The following NXN variants were observed in gnomAD, a reference collection of about 807,000 sequenced individuals.
The protein encoded by NXN is nucleoredoxin 1.
NXN carries 16 observed loss-of-function variants against 48.6 expected under a neutral mutation model. The observed-to-expected ratio is 0.33, with a 90% CI of 0.22 to 0.50. The LOEUF (loss-of-function observed/expected upper bound fraction) is 0.50. Among genes scored for constraint, NXN ranks in the 20% least tolerant of loss-of-function variants. The pLI, the probability that NXN is intolerant of heterozygous loss-of-function variation, is 0.98. For missense variants in NXN, 492 were observed against 605.5 expected, an observed-to-expected ratio of 0.81 and a Z score of 1.97; for synonymous variants, 281 against 269.6, an observed-to-expected ratio of 1.04 and a Z score of -0.41.
chr17:948,604 C>T (rs1039373858), intron 1 of NXN, among the ~76,000 whole-genome samples: 6 of 151,900 alleles, frequency 3.9e-5, no homozygotes, highest in Non-Finnish European at 5.9e-5. Context: ...AGCTCCCGGG[C>T]GACTGAAGAT....
At chr17:951,175 TAAAAAAA>T (rs59266525) in intron 1 of NXN, among the ~76,000 whole-genome samples, 2,401 of 56,650 alleles carry the variant, frequency 0.042, 108 homozygotes, top group African/African-American at 0.13. Flanking sequence ...TGTCTCTACT[TAAAAAAA>T]AAAAAAAAAA....
At position 914,947 on chromosome 17, in the gene NXN, A is replaced by AT. The variant is rs903404530; in HGVS notation, c.360+64371dup. Among the ~76,000 whole-genome samples, 652 of 147,356 alleles carry AT rather than the reference A, an allele frequency of 4.4e-3. 5 individuals carry two copies. Among genetic ancestry groups the AT allele is most frequent in the Middle Eastern group, 0.017 (5 of 288 alleles). ...TTGTACTGGAAAAATTTCAGAGTTG[A>AT]TTTTTTTTTTTAGACAAAGTCTCGC... On this transcript the variant is annotated intron_variant, in intron 1 of 7. Transcript: ENST00000336868.
chr17:917,986 G>A lies in NXN; in HGVS notation c.360+61333C>T, dbSNP rs958236307. Among the ~76,000 whole-genome samples, 4 of 152,176 alleles carry A rather than the reference G, an allele frequency of 2.6e-5. No individual in the cohort carries two copies. Among genetic ancestry groups the A allele is most frequent in the East Asian group, 3.9e-4 (2 of 5,192 alleles). Reference sequence around the variant, plus strand: ...ACTTTATGGAAGACACATGGCTCACGGCAGGGCCCGGCACATCACAAAAAC... The same window carrying A: ...ACTTTATGGAAGACACATGGCTCACAGCAGGGCCCGGCACATCACAAAAAC... On this transcript the variant is annotated intron_variant, in intron 1 of 7. Coordinates refer to ENST00000336868, the MANE Select transcript of NXN (RefSeq NM_022463.5). This position sits in a 1 kb window ranked among gnomAD's most constrained non-coding sequence, Gnocchi z 4.5.
chr17:852,984 C>CTT, intron 1 of NXN, among the ~76,000 whole-genome samples: 1 of 146,698 alleles, frequency 6.8e-6, no homozygotes, highest in Non-Finnish European at 1.5e-5. Flanking sequence ...TAAATTTTTT[C>CTT]TTTTTTTTTT....
rs111534935 is a variant in NXN, at chr17:809,937, C to T, written c.821-4690G>A. 3.5e-4 allele frequency among the ~76,000 whole-genome samples: 47 copies of T among 134,416 alleles called. 1 individual carries two copies. Among genetic ancestry groups the T allele is most frequent in the African/African-American group, 1.2e-3 (46 of 37,502 alleles). The allele number at this position is 134,416 out of a possible 152,430, so 88.2% of individuals were successfully genotyped here. A position where few individuals can be genotyped will look rare whatever the true frequency, so the allele number is the denominator to read the frequency against. ...GCACGTTAAGAGTCCGTGTGAGTGG[C>T]GTGTACGTTACGAGTCTGTGTGAGT... On this transcript the variant is annotated intron_variant, in intron 5 of 7. Coordinates refer to ENST00000336868, the MANE Select transcript of NXN (RefSeq NM_022463.5).
Position 801,139 on chromosome 17 carries a change from C to A in NXN, c.1126-8G>T. The A allele has an allele frequency of 6.6e-7, 1 of 1,512,848 alleles. No individual in the cohort carries two copies. Among genetic ancestry groups the A allele is most frequent in the Admixed American group, 2.2e-5 (1 of 45,414 alleles). The allele number at this position is 1,512,848 out of a possible 1,614,324, so 93.7% of individuals were successfully genotyped here. Reference sequence around the variant, plus strand: ...GGAGTCAGTCATGTCATCCTGAAGCCGTCAGGAGGGAGAGAAAACCAAGAA... The same window carrying A: ...GGAGTCAGTCATGTCATCCTGAAGCAGTCAGGAGGGAGAGAAAACCAAGAA... On this transcript the variant is annotated splice_region_variant and splice_polypyrimidine_tract_variant and intron_variant, in intron 7 of 7. Transcript: ENST00000336868.
At chr17:823,454 C>A (rs1427644970) in intron 3 of NXN, among the ~76,000 whole-genome samples, 178 bp downstream of exon 3, 1 of 152,006 alleles carries the variant, frequency 6.6e-6, no homozygotes, top group Non-Finnish European at 1.5e-5. Flanking sequence ...TCATTTCTTG[C>A]TGCTTTTTTC....
intron 1 of NXN, among the ~76,000 whole-genome samples, chr17:907,342 AT>A (rs3062164): frequency 0.27 from 38,929 of 145,530 alleles, 5,503 homozygotes; most frequent in African/African-American, 0.36. Flanking sequence ...CTCAATACCT[AT>A]TTTTTTTTTT....
chr17:807,447 C>A (rs1278360519), intron 5 of NXN, among the ~76,000 whole-genome samples: 1 of 152,236 alleles, frequency 6.6e-6, no homozygotes, highest in Non-Finnish European at 1.5e-5. Context: ...GAAGGCAAAG[C>A]TGCCCATTTC....
intron 5 of NXN, among the ~76,000 whole-genome samples, chr17:811,990 A>AGT (rs1912057426): frequency 7.4e-6 from 1 of 134,884 alleles, no homozygotes; most frequent in African/African-American, 3.1e-5. Flanking sequence ...TGCAGTGGCA[A>AGT]GATCTCGGCT....
rs1243106411 is a variant in NXN at position 889,749 on chromosome 17, A to G, written c.361-63671T>C. Among the ~76,000 whole-genome samples the G allele has an allele frequency of 5.4e-4, 16 of 29,504 alleles. 1 individual carries two copies. Among genetic ancestry groups the G allele is most frequent in the African/African-American group, 1.8e-3 (13 of 7,100 alleles). 19.4% of individuals were successfully genotyped at this position (29,504 alleles called of 152,430 possible). On this transcript the variant is annotated intron_variant, in intron 1 of 7. Coordinates refer to ENST00000336868, the MANE Select transcript of NXN (RefSeq NM_022463.5). The stretch of plus-strand genomic sequence containing the variant: ...AAAGAAAGAAAGAAAGAAAGAAAGA[A>G]AGAAAGAAAGAAAAAGAAAGAAAGA...
chr17:864,153 T>A, intron 1 of NXN: 1 of 1,469,858 alleles, frequency 6.8e-7, no homozygotes, highest in Non-Finnish European at 9.0e-7. Context: ...TCACCGTTGC[T>A]CGGTTCCGGT....
intron 1 of NXN, among the ~76,000 whole-genome samples, chr17:968,852 G>A (rs1218363054): frequency 6.6e-6 from 1 of 151,870 alleles, no homozygotes; most frequent in African/African-American, 2.4e-5. Flanking sequence ...CAGGAGTATC[G>A]CTTGAACCTA....
rs867352267 is a variant in NXN, at chr17:971,623, T to C, written c.360+7696A>G. Reference sequence around the variant, plus strand: ...TCCTCGGGAGGCTGCGGCAGGAGAATGGCGTGAACCGGGAAGGCGGAGCTG... The same window carrying C: ...TCCTCGGGAGGCTGCGGCAGGAGAACGGCGTGAACCGGGAAGGCGGAGCTG... On this transcript the variant is annotated intron_variant, in intron 1 of 7. Transcript: ENST00000336868. Among the ~76,000 whole-genome samples, 5 of 150,998 alleles carry C rather than the reference T, an allele frequency of 3.3e-5. No individual in the cohort carries two copies. In the Middle Eastern group the frequency reaches 0.014, roughly 422 times the overall value.
At chr17:858,404 A>G (rs1262781142) in intron 1 of NXN, among the ~76,000 whole-genome samples, 3 of 152,072 alleles carry the variant, frequency 2.0e-5, no homozygotes, top group Non-Finnish European at 2.9e-5. Context: ...AAGAACCACA[A>G]AGGTGATACT....
intron 1 of NXN, among the ~76,000 whole-genome samples, chr17:896,115 G>T (rs8082155): frequency 6.6e-6 from 1 of 151,900 alleles, no homozygotes; most frequent in Admixed American, 6.6e-5. Flanking sequence ...TGAGGCAGGC[G>T]GATCACCTGA....
intron 1 of NXN, among the ~76,000 whole-genome samples, chr17:884,312 G>A (rs1205797787): frequency 6.6e-6 from 1 of 152,054 alleles, no homozygotes; most frequent in African/African-American, 2.4e-5. Context: ...GGCTGAGGTG[G>A]GAGGATCCCT....
intron 1 of NXN, among the ~76,000 whole-genome samples, chr17:892,270 A>G (rs2068431180): frequency 6.7e-6 from 1 of 148,772 alleles, no homozygotes; most frequent in African/African-American, 2.5e-5. Context: ...CCAACAGGGA[A>G]CTAAGCTAAC....
chr17:889,955 A>G (rs2068398382), intron 1 of NXN, among the ~76,000 whole-genome samples: 1 of 152,106 alleles, frequency 6.6e-6, no homozygotes, highest in East Asian at 1.9e-4. Context: ...ACCCCCACTC[A>G]CAAAGAGCAC....
Sources: allele counts gnomAD v4.1 joint callset (sites outside exome capture counted in the v4.1 genomes callset), GRCh38; gene constraint gnomAD v4.1.1; non-coding constraint Gnocchi (gnomAD v3.1); transcripts MANE v1.5; gene names NCBI Gene and HGNC (gene_info 2026-07-23, HGNC 2026-07-21).